CPVL: variants seen among roughly 807,000 people sequenced by gnomAD.
CPVL encodes probable serine carboxypeptidase CPVL.
CPVL carries 51 observed loss-of-function variants against 63.7 expected under a neutral mutation model. The observed-to-expected ratio is 0.80, with a 90% CI of 0.64 to 1.01. CPVL has a LOEUF of 1.01. Ranked by LOEUF, CPVL falls within the 50% of genes least tolerant of loss-of-function variation. The pLI, the probability that CPVL is intolerant of heterozygous loss-of-function variation, is 0.00. For synonymous variants in CPVL, 195 were observed against 206.0 expected (o/e 0.95, Z 0.46); for missense variants, 530 against 573.1 (o/e 0.92, Z 0.77).
intron 5 of CPVL, among the ~76,000 whole-genome samples, chr7:29,166,680 T>C (rs934410532): frequency 2.6e-5 from 4 of 152,176 alleles, no homozygotes; most frequent in African/African-American, 9.6e-5. Context: ...TCTTATACTT[T>C]TAGTATCTAC....
intron 1 of CPVL, among the ~76,000 whole-genome samples, chr7:29,142,589 C>T (rs368745878): frequency 3.5e-5 from 5 of 143,024 alleles, no homozygotes; most frequent in East Asian, 4.2e-4. Flanking sequence ...TGTAGTGGTG[C>T]AATCTCGGTT....
rs187374826 is a variant in CPVL at position 29,051,608 on chromosome 7, G to A, written c.1137+12453C>T. Among the ~76,000 whole-genome samples, 77 of 152,236 alleles carry A rather than the reference G, an allele frequency of 5.1e-4. No individual in the cohort carries two copies. The South Asian group carries it at 6.0e-3, about 12-fold the overall frequency. On this transcript the variant is annotated intron_variant, in intron 11 of 12. Transcript: ENST00000265394. Reference sequence around the variant, plus strand: ...AAATCAAAAAACAGTAGATGTTAGCGTGGATGCAGTGATCAGGGAACACTT... The same window carrying A: ...AAATCAAAAAACAGTAGATGTTAGCATGGATGCAGTGATCAGGGAACACTT...
chr7:29,118,394 C>T (rs1035117452), intron 2 of CPVL, among the ~76,000 whole-genome samples: 18 of 152,188 alleles, frequency 1.2e-4, no homozygotes, highest in Non-Finnish European at 1.9e-4. Context: ...TGCATGTAAT[C>T]CAATTTGGAG....
At chr7:29,193,133 G>C (rs778347969) in intron 1 of CPVL, 4 of 152,198 alleles carry the variant, frequency 2.6e-5, no homozygotes, top group Non-Finnish European at 5.9e-5. Context: ...CCATACAGTT[G>C]AGGGGTAGGA....
intron 5 of CPVL, among the ~76,000 whole-genome samples, chr7:29,176,227 ATT>A (rs1797322402): frequency 1.3e-5 from 2 of 151,992 alleles, no homozygotes; most frequent in Admixed American, 6.6e-5. Context: ...GACCATGACT[ATT>A]TATTTATTCT....
intron 5 of CPVL, among the ~76,000 whole-genome samples, chr7:29,166,863 C>T (rs1456804337): frequency 2.0e-5 from 3 of 152,022 alleles, no homozygotes; most frequent in African/African-American, 7.2e-5. Context: ...CCTTCTTGAA[C>T]ATTTGAAACA....
chr7:29,170,656 T>C (rs1370766491), intron 5 of CPVL, among the ~76,000 whole-genome samples: 3 of 152,228 alleles, frequency 2.0e-5, no homozygotes, highest in African/African-American at 7.2e-5. Flanking sequence ...TTCTGTAATA[T>C]CTAATCTCAG....
chr7:29,001,025 AAGGAGGCAAATT>A (rs11269017), intron 12 of CPVL: 96,197 of 151,774 alleles, frequency 0.63, 31,308 homozygotes, highest in African/African-American at 0.7. Context: ...ATACTGGTAC[AAGGAGGCAAATT>A]AGGAGACTAC....
At chr7:29,066,205 A>G in intron 9 of CPVL, 84 bp from the exon 10 acceptor site, 1 of 762,320 alleles carries the variant, frequency 1.3e-6, no homozygotes, top group Middle Eastern at 2.4e-4. Flanking sequence ...CATTTCATTT[A>G]TTCAACAACT....
intron 1 of CPVL, among the ~76,000 whole-genome samples, chr7:29,144,214 T>C (rs1792204039): frequency 6.6e-6 from 1 of 152,186 alleles, no homozygotes; most frequent in Non-Finnish European, 1.5e-5. Context: ...CCATCGGAAA[T>C]GGTAAACTAA....
chr7:29,072,010 C>T (rs1783795505), intron 8 of CPVL, 106 bp from the exon 9 acceptor site: 1 of 1,391,734 alleles, frequency 7.2e-7, no homozygotes, highest in South Asian at 1.3e-5. Flanking sequence ...TAATATTGTG[C>T]TGGTTAGCCA....
intron 5 of CPVL, among the ~76,000 whole-genome samples, chr7:29,094,458 C>T (rs971077637): frequency 6.6e-6 from 1 of 152,066 alleles, no homozygotes; most frequent in Non-Finnish European, 1.5e-5. Context: ...ATATAATAAC[C>T]TGTGATATAA....
chr7:29,118,747 ATTTAGATTTGCTT>A (rs1346167771), intron 2 of CPVL, among the ~76,000 whole-genome samples: 6 of 152,230 alleles, frequency 3.9e-5, no homozygotes, highest in South Asian at 2.1e-4. Context: ...TTTATAGAGT[ATTTAGATTTGCTT>A]TTGATCTTTA....
intron 1 of CPVL, chr7:29,125,087 T>C (rs1450256294): frequency 6.6e-6 from 1 of 152,156 alleles, no homozygotes; most frequent in East Asian, 1.9e-4. Flanking sequence ...TCTGCATAAA[T>C]GTGAGATGCT....
In CPVL at chr7:29,110,935, AG is replaced by A. The variant is rs1271149301; in HGVS notation, c.288+1768del. On this transcript the variant is annotated intron_variant, in intron 3 of 12. Transcript: ENST00000265394. ...CTGCCTTTGCAGGCTTTGAAGCTGG[AG>A]GAAGGGACCATAAGCCAAGGAATGC... is the stretch of plus-strand genomic sequence containing the variant. Among the ~76,000 whole-genome samples, 7 of 152,352 alleles carry A rather than the reference AG, an allele frequency of 4.6e-5. No homozygotes were observed. In the East Asian group the frequency reaches 1.4e-3, roughly 29 times the overall value.
At chr7:29,054,501 T>C (rs996965415) in intron 11 of CPVL, among the ~76,000 whole-genome samples, 3 of 152,244 alleles carry the variant, frequency 2.0e-5, no homozygotes, top group Non-Finnish European at 4.4e-5. Flanking sequence ...CCTCCTTTTG[T>C]AGATGGCCTG....
intron 5 of CPVL, among the ~76,000 whole-genome samples, chr7:29,153,577 C>A (rs1793913506): frequency 6.6e-6 from 1 of 152,090 alleles, no homozygotes; most frequent in Admixed American, 6.6e-5. Flanking sequence ...TTATAATTTT[C>A]TTTTCTTTTA....
chr7:29,019,436 G>C (rs1476432587), intron 12 of CPVL, among the ~76,000 whole-genome samples: 1 of 152,112 alleles, frequency 6.6e-6, no homozygotes, highest in Non-Finnish European at 1.5e-5. Flanking sequence ...ATTTCTCTGG[G>C]CATGGCTTGA....
intron 11 of CPVL, among the ~76,000 whole-genome samples, chr7:29,035,056 C>T (rs1464868935): frequency 6.6e-6 from 1 of 151,284 alleles, no homozygotes; most frequent in Non-Finnish European, 1.5e-5. Context: ...CAAGCCTTTC[C>T]AAGAGACGGC....
Sources: gnomAD v4.1 joint callset for allele counts (sites outside exome capture counted in the v4.1 genomes callset) on GRCh38, gnomAD v4.1.1 for gene constraint, MANE v1.5 for transcripts, NCBI Gene and HGNC (gene_info 2026-07-23, HGNC 2026-07-21) for gene names.